Variants in XPO1 observed in about 807,000 individuals in gnomAD.
XPO1 encodes exportin 1.
Under a neutral mutation model 133.3 loss-of-function variants are expected in XPO1, and 5 were observed. The ratio of observed to expected loss-of-function variants is 0.04; its 90% CI spans 0.02 to 0.08. The LOEUF is 0.08. XPO1 is among the 10% of genes least tolerant of loss of function. The pLI is 1.00. For synonymous variants in XPO1, 419 were observed against 408.2 expected, an observed-to-expected ratio of 1.03 and a Z score of -0.32; for missense variants, 506 against 1,267.5, an observed-to-expected ratio of 0.40 and a Z score of 9.12.
At position 61,492,425 on chromosome 2, in the gene XPO1, T is replaced by C. The variant is rs1281320213; in HGVS notation, c.1623A>G (p.Ala541=). The C allele has an allele frequency of 1.2e-6, 2 of 1,606,356 alleles. No homozygotes were observed. The highest frequency in any genetic ancestry group is 2.2e-5 in the East Asian group (1 of 44,834). The change falls in exon 15 of 25, where the codon GCA becomes GCG. Residue 541 remains alanine (A), a synonymous_variant. Transcript: ENST00000401558. The surrounding 1 kb of genome is among the most constrained non-coding windows in gnomAD (Gnocchi z 5.6). ...GACCTACTATGTACATGATATTTGA[T>C]GCAATAATAGCTTTATTATCTTTGC... ...KRGKDNKAII[A]SNIMYIVGQY...
At chr2:61,491,955 C>T in intron 16 of XPO1, 80 bp downstream of exon 16, 2 of 1,477,138 alleles carry the variant, frequency 1.4e-6, no homozygotes, top group Non-Finnish European at 1.8e-6. Flanking sequence ...CCAATAGTTG[C>T]CCTCCTATTT....
At chr2:61,501,912 TAC>T in intron 6 of XPO1, 82 bp downstream of exon 6, 1 of 1,162,846 alleles carries the variant, frequency 8.6e-7, no homozygotes, top group Non-Finnish European at 1.2e-6. Context: ...AATATTAGTA[TAC>T]TTTATTTCCT....
chr2:61,521,326 T>A (rs948234616), intron 4 of XPO1, among the ~76,000 whole-genome samples: 1 of 152,146 alleles, frequency 6.6e-6, no homozygotes, highest in African/African-American at 2.4e-5. Context: ...AGAATGCAGG[T>A]GAAGGACAAT....
At chr2:61,516,130 T>A (rs1166514352) in intron 4 of XPO1, among the ~76,000 whole-genome samples, 1 of 124,004 alleles carries the variant, frequency 8.1e-6, no homozygotes, top group Admixed American at 7.9e-5. Context: ...CGTCGCAAAA[T>A]TAAAAAAAAA....
intron 18 of XPO1, 116 bp from the exon 19 acceptor site, chr2:61,488,387 A>G: frequency 1.6e-6 from 2 of 1,244,924 alleles, no homozygotes; most frequent in Non-Finnish European, 2.3e-6. Context: ...CCAAAAGTTC[A>G]CAAAATTTAT....
At chr2:61,524,265 T>C (rs1698818697) in intron 3 of XPO1, among the ~76,000 whole-genome samples, 1 of 152,176 alleles carries the variant, frequency 6.6e-6, no homozygotes, top group African/African-American at 2.4e-5. Flanking sequence ...ACCATAAATA[T>C]AGTTACAAAT....
At chr2:61,491,527 G>C (rs1157814692) in intron 16 of XPO1, among the ~76,000 whole-genome samples, 2 of 150,752 alleles carry the variant, frequency 1.3e-5, no homozygotes, top group African/African-American at 2.4e-5. Flanking sequence ...AAAAACACCT[G>C]ATTTTGTTTG....
intron 23 of XPO1, among the ~76,000 whole-genome samples, chr2:61,482,033 C>CTTTTTTTTTGTTTTTTTTTTT (rs1491506588): frequency 1.2e-5 from 1 of 86,820 alleles, no homozygotes; most frequent in Non-Finnish European, 2.5e-5. Flanking sequence ...CCGTGCGTGG[C>CTTTTTTTTTGTTTTTTTTTTT]CTTTTTTTTT....
rs1479823243 is a variant in XPO1 at position 61,488,751 on chromosome 2, A to T, written c.2043T>A (p.Asp681Glu). The change falls in exon 18 of 25, where the codon GAT (aspartate) becomes GAA (glutamate). Residue 681 changes from aspartate to glutamate, a missense_variant. Transcript: ENST00000401558. ...TACCAAGCTGCTTGACTGTTTCAGG[A>T]TCTTTCAGTATATCCACATTCTTGG... ...QATKNVDILK[D>E]PETVKQLGSI... The T allele has an allele frequency of 6.2e-7, 1 of 1,613,506 alleles. No individual in the cohort carries two copies. Among genetic ancestry groups the T allele is most frequent in the Non-Finnish European group, 8.5e-7 (1 of 1,179,904 alleles).
chr2:61,527,467 G>A (rs1309145173), intron 2 of XPO1, among the ~76,000 whole-genome samples: 1 of 152,072 alleles, frequency 6.6e-6, no homozygotes, highest in South Asian at 2.1e-4. Context: ...CAGCCTGGGT[G>A]AAAGAGCAGA....
chr2:61,490,573 A>C, intron 17 of XPO1, 69 bp downstream of exon 17: 2 of 1,593,238 alleles, frequency 1.3e-6, no homozygotes, highest in Non-Finnish European at 8.6e-7. Context: ...GCTTGAATTC[A>C]ATACATTTGT....
At chr2:61,499,624 G>T in intron 7 of XPO1, 89 bp downstream of exon 7, 1 of 1,261,752 alleles carries the variant, frequency 7.9e-7, no homozygotes, top group Non-Finnish European at 1.1e-6. Flanking sequence ...ACTGATCATA[G>T]TTCCTTAAAA....
At chr2:61,488,799 T>G in intron 17 of XPO1, 28 bp from the exon 18 acceptor site, 5 of 1,609,868 alleles carry the variant, frequency 3.1e-6, no homozygotes, top group Non-Finnish European at 4.2e-6. Flanking sequence ...AAATTCCATT[T>G]ATCATATAAG....
At chr2:61,509,614 G>A (rs557570720) in intron 4 of XPO1, among the ~76,000 whole-genome samples, 2 of 151,820 alleles carry the variant, frequency 1.3e-5, no homozygotes, top group African/African-American at 2.4e-5. Flanking sequence ...CAACAAGAGC[G>A]AAACTCTGTC....
chr2:61,507,045 C>A (rs956858443), intron 4 of XPO1, among the ~76,000 whole-genome samples: 2 of 151,712 alleles, frequency 1.3e-5, no homozygotes, highest in African/African-American at 4.8e-5. Flanking sequence ...GCCTGGCCAA[C>A]GTGGTGAAAC....
At chr2:61,482,694 C>T in intron 22 of XPO1, 155 bp from the exon 23 acceptor site, 1 of 808,416 alleles carries the variant, frequency 1.2e-6, no homozygotes, top group Non-Finnish European at 1.9e-6. Flanking sequence ...CAACCTCTGC[C>T]TCCTCGGTCC....
At chr2:61,523,929 CA>C (rs1698802822) in intron 3 of XPO1, among the ~76,000 whole-genome samples, 1 of 152,062 alleles carries the variant, frequency 6.6e-6, no homozygotes, top group Non-Finnish European at 1.5e-5. Context: ...AAGGCCAAAG[CA>C]AAATTCTAAA....
intron 4 of XPO1, among the ~76,000 whole-genome samples, chr2:61,504,343 G>A (rs6735330): frequency 0.17 from 25,935 of 152,112 alleles, 2,734 homozygotes; most frequent in African/African-American, 0.29. Flanking sequence ...GAGTGTTGCA[G>A]AATGTTAAAT....
At chr2:61,505,938 C>T (rs932572315) in intron 4 of XPO1, among the ~76,000 whole-genome samples, 6 of 152,116 alleles carry the variant, frequency 3.9e-5, no homozygotes, top group African/African-American at 7.2e-5. Flanking sequence ...TCAAAAATTC[C>T]GATAGTACTA....
Sources: gnomAD v4.1 joint callset for allele counts (sites outside exome capture counted in the v4.1 genomes callset) on GRCh38, gnomAD v4.1.1 for gene constraint, Gnocchi (gnomAD v3.1) non-coding constraint, MANE v1.5 for transcripts, NCBI Gene and HGNC (gene_info 2026-07-23, HGNC 2026-07-21) for gene names.